The following SYNE1 variants were observed in gnomAD, a reference collection of about 807,000 sequenced individuals.
SYNE1 encodes nesprin-1.
SYNE1 carries 616 observed loss-of-function variants against 1,111.0 expected under a neutral mutation model. That is an observed-to-expected ratio of 0.55 (90% CI 0.52 to 0.59). The LOEUF (loss-of-function observed/expected upper bound fraction) is 0.59, where lower values mean the gene tolerates loss of function less well. SYNE1 is among the 20% of genes least tolerant of loss of function. The pLI is 0.00. For missense variants in SYNE1, 10,006 were observed against 10,417.0 expected (o/e 0.96, Z 1.72); for synonymous variants, 3,855 against 3,825.8 (o/e 1.01, Z -0.28).
chr6:152,556,110 T>C (rs2099364197), intron 3 of SYNE1, among the ~76,000 whole-genome samples: 1 of 152,168 alleles, frequency 6.6e-6, no homozygotes, highest in Non-Finnish European at 1.5e-5. Flanking sequence ...CAAGATGGCA[T>C]AATAGCAGTT....
intron 66 of SYNE1, among the ~76,000 whole-genome samples, chr6:152,355,845 A>C (rs1441637436): frequency 6.6e-6 from 1 of 152,204 alleles, no homozygotes; most frequent in Non-Finnish European, 1.5e-5. Flanking sequence ...TTTAAAAACC[A>C]CTTAAGATTG....
intron 14 of SYNE1, chr6:152,481,238 CAGACCTCTA>C: frequency 4.9e-6 from 1 of 203,380 alleles, no homozygotes; most frequent in Non-Finnish European, 1.0e-5. Flanking sequence ...AGATGCTTCT[CAGACCTCTA>C]GATTGGAGGC....
At chr6:152,145,731 G>A in intron 137 of SYNE1, 1 of 653,338 alleles carries the variant, frequency 1.5e-6, no homozygotes, top group East Asian at 3.0e-5. Flanking sequence ...TGAATCATAA[G>A]AATTCACAGT....
At position 152,350,719 on chromosome 6, in the gene SYNE1, C is replaced by T; in HGVS notation, c.11632G>A (p.Glu3878Lys). ...SHEPSVKSVR[E>K]KGEALLELVQ... ...AGTTCCAAAAGAGCTTCACCCTTCT[C>T]TCTCACTGACTTTACTGATGGTTCA... The change falls in exon 71 of 146, where the codon GAG becomes AAG. Residue 3878 changes from glutamate (E) to lysine (K), a missense_variant. By Grantham distance (56) the Glu-to-Lys change is moderately conservative. Coordinates refer to ENST00000367255, the MANE Select transcript of SYNE1 (RefSeq NM_182961.4). 3.1e-6 allele frequency: 5 copies of T among 1,614,082 alleles called. No homozygotes were observed. Among genetic ancestry groups the T allele is most frequent in the Non-Finnish European group, 4.2e-6 (5 of 1,180,010 alleles).
intron 139 of SYNE1, among the ~76,000 whole-genome samples, chr6:152,140,383 T>A (rs1357299565): frequency 2.0e-5 from 3 of 152,184 alleles, no homozygotes; most frequent in African/African-American, 7.2e-5. Flanking sequence ...AAAAAGTTAG[T>A]TACATGGGCA....
intron 92 of SYNE1, 68 bp downstream of exon 92, chr6:152,301,801 G>T: frequency 6.7e-7 from 1 of 1,494,470 alleles, no homozygotes; most frequent in Non-Finnish European, 9.0e-7. Flanking sequence ...GCCACGGAGA[G>T]GGAACATGGA....
intron 3 of SYNE1, among the ~76,000 whole-genome samples, chr6:152,549,071 C>G (rs1429190732): frequency 6.6e-6 from 1 of 152,106 alleles, no homozygotes; most frequent in Non-Finnish European, 1.5e-5. Flanking sequence ...ATGAGGTCAC[C>G]TTGGATCTTC....
At chr6:152,527,488 T>C (rs777625162) in intron 4 of SYNE1, among the ~76,000 whole-genome samples, 3 of 152,194 alleles carry the variant, frequency 2.0e-5, no homozygotes, top group Non-Finnish European at 4.4e-5. Flanking sequence ...ATTCTAAGCA[T>C]ATAAATAAAA....
intron 3 of SYNE1, among the ~76,000 whole-genome samples, chr6:152,595,723 C>G (rs1263005410): frequency 6.6e-6 from 1 of 152,240 alleles, no homozygotes; most frequent in Non-Finnish European, 1.5e-5. Context: ...ACATCTGCCC[C>G]TAGTGGGAAC....
At chr6:152,389,764 T>C (rs114437392) in intron 53 of SYNE1, among the ~76,000 whole-genome samples, 207 of 152,326 alleles carry the variant, frequency 1.4e-3, no homozygotes, top group African/African-American at 4.8e-3. Context: ...CTTTGTAGGA[T>C]ATGAGCTCTC....
chr6:152,330,752 G>C lies in SYNE1; in HGVS notation c.13933C>G (p.Leu4645Val). 2 of 1,613,968 alleles carry C rather than the reference G, an allele frequency of 1.2e-6. No individual in the cohort carries two copies. The highest frequency in any genetic ancestry group is 1.7e-6 in the Non-Finnish European group (2 of 1,180,032). ...EVDHSYLSEK[L>V]NALPRQFNVI... ...TTAAATTGTCGAGGCAAAGCATTTA[G>C]CTTTTCACTGAGGTAGGAATGATCG... is the stretch of plus-strand genomic sequence containing the variant. Residue 4645 changes from leucine (L) to valine (V), a missense_variant, in exon 78 of 146, where the codon CTA (leucine) becomes GTA (valine). Around this residue, in one of 7 missense-constraint regions of SYNE1, gnomAD observed 4,955 missense variants for 5,017.2 expected, o/e 0.99. Transcript: ENST00000367255.
rs567683909 is a variant in SYNE1 at position 152,422,674 on chromosome 6, T to C, written c.5267+2707A>G. Among the ~76,000 whole-genome samples, 8 of 152,218 alleles carry C rather than the reference T, an allele frequency of 5.3e-5. No homozygotes were observed. In the East Asian group the frequency reaches 5.8e-4, roughly 11 times the overall value. On this transcript the variant is annotated intron_variant, in intron 39 of 145. Transcript: ENST00000367255. ...CATGCCACCATGCCTGGATACTTTT[T>C]TGAAAAAAATTTATTGTAAAGATGG...
At chr6:152,172,203 G>A (rs1174990069) in intron 130 of SYNE1, among the ~76,000 whole-genome samples, 2 of 152,120 alleles carry the variant, frequency 1.3e-5, no homozygotes, top group African/African-American at 2.4e-5. Flanking sequence ...AAAGAGTGAC[G>A]GCTAATGGGT....
chr6:152,324,953 A>T, intron 81 of SYNE1, 131 bp downstream of exon 81: 1 of 1,077,776 alleles, frequency 9.3e-7, no homozygotes, highest in African/African-American at 1.6e-5. Context: ...TTTTTATGTC[A>T]CTGAAACAGA....
At chr6:152,296,580 C>T (rs553195070) in intron 93 of SYNE1, among the ~76,000 whole-genome samples, 3 of 152,322 alleles carry the variant, frequency 2.0e-5, no homozygotes, top group South Asian at 2.1e-4. Context: ...AGCCTTGGTT[C>T]AAGTTCTCAT....
intron 16 of SYNE1, among the ~76,000 whole-genome samples, chr6:152,469,577 A>T (rs1177511065): frequency 6.6e-6 from 1 of 152,178 alleles, no homozygotes; most frequent in South Asian, 2.1e-4. Flanking sequence ...GGTATGGACC[A>T]ATATTAAATT....
At chr6:152,216,886 C>A (rs971700756) in intron 121 of SYNE1, among the ~76,000 whole-genome samples, 1 of 151,370 alleles carries the variant, frequency 6.6e-6, no homozygotes, top group Non-Finnish European at 1.5e-5. Context: ...AACCACCCCC[C>A]TCTCCATCTC....
At position 152,133,272 on chromosome 6, in the gene SYNE1, T is replaced by C. The variant is rs746958913; in HGVS notation, c.26001+4A>G. The C allele has an allele frequency of 7.4e-6, 12 of 1,613,812 alleles. 1 individual carries two copies. Among genetic ancestry groups the C allele is most frequent in the Middle Eastern group, 3.3e-4 (2 of 6,062 alleles). On this transcript the variant is annotated splice_donor_region_variant and intron_variant, in intron 143 of 145. Coordinates refer to ENST00000367255, the MANE Select transcript of SYNE1 (RefSeq NM_182961.4). ...CTACACGATGATGTCTGTTTATTGC[T>C]TACCTGCTGACTACTTGACACGTCT... is the stretch of plus-strand genomic sequence containing the variant.
chr6:152,363,336 T>C (rs1209176051), intron 63 of SYNE1, among the ~76,000 whole-genome samples: 2 of 148,258 alleles, frequency 1.3e-5, no homozygotes, highest in Non-Finnish European at 3.0e-5. Flanking sequence ...CTACTAAAAA[T>C]ACAAAAAATT....
Sources: allele counts gnomAD v4.1 joint callset (sites outside exome capture counted in the v4.1 genomes callset), GRCh38; gene constraint gnomAD v4.1.1; regional missense constraint gnomAD v4.1.1; transcripts MANE v1.5; gene names NCBI Gene and HGNC (gene_info 2026-07-23, HGNC 2026-07-21).